TCF7L2: variants seen among roughly 807,000 people sequenced by gnomAD.
The protein encoded by TCF7L2 is transcription factor 7-like 2.
In TCF7L2, 23 loss-of-function variants were observed where a neutral mutation model predicts 77.9. That is an observed-to-expected ratio of 0.30 (90% CI 0.21 to 0.42). The LOEUF (loss-of-function observed/expected upper bound fraction) is 0.42, where lower values mean the gene tolerates loss of function less well. Among genes scored for constraint, TCF7L2 ranks in the 10% least tolerant of loss-of-function variants. The pLI, the probability that TCF7L2 is intolerant of heterozygous loss-of-function variation, is 1.00. For synonymous variants in TCF7L2, 413 were observed against 340.2 expected (o/e 1.21, Z -2.36); for missense variants, 654 against 793.1 (o/e 0.82, Z 2.11).
intron 5 of TCF7L2, among the ~76,000 whole-genome samples, chr10:113,124,556 G>T (rs142183858): frequency 6.6e-6 from 1 of 152,002 alleles, no homozygotes; most frequent in Non-Finnish European, 1.5e-5. Context: ...AGAAATCGCC[G>T]TATATATCTA....
At chr10:112,971,084 A>G (rs2038142095) in intron 4 of TCF7L2, among the ~76,000 whole-genome samples, 1 of 152,348 alleles carries the variant, frequency 6.6e-6, no homozygotes, top group South Asian at 2.1e-4. Context: ...ATGTTCATTC[A>G]TGAAAAATAT....
At chr10:113,074,852 T>TCATCG (rs1304085901) in intron 5 of TCF7L2, among the ~76,000 whole-genome samples, 2 of 152,116 alleles carry the variant, frequency 1.3e-5, no homozygotes, top group Non-Finnish European at 2.9e-5. Context: ...GGTACTTCTG[T>TCATCG]CATCATCTCA....
At chr10:113,100,943 C>T (rs368757682) in intron 5 of TCF7L2, among the ~76,000 whole-genome samples, 2 of 151,996 alleles carry the variant, frequency 1.3e-5, no homozygotes, top group South Asian at 2.1e-4. Context: ...GGCGTGGTGG[C>T]GTTTGCCTGT....
chr10:113,095,801 G>A (rs1479185140), intron 5 of TCF7L2, among the ~76,000 whole-genome samples: 1 of 152,220 alleles, frequency 6.6e-6, no homozygotes, highest in Admixed American at 6.5e-5. Flanking sequence ...AGATAGGAGT[G>A]TTCCTGCACC....
At chr10:113,117,476 T>C (rs564624504) in intron 5 of TCF7L2, among the ~76,000 whole-genome samples, 3 of 139,554 alleles carry the variant, frequency 2.1e-5, no homozygotes, top group Non-Finnish European at 4.5e-5. Context: ...CCAACAAATA[T>C]AGCTAACGTA....
chr10:112,994,939 A>G (rs1266115240), intron 4 of TCF7L2, among the ~76,000 whole-genome samples: 1 of 152,096 alleles, frequency 6.6e-6, no homozygotes, highest in Non-Finnish European at 1.5e-5. Context: ...ATCTCTACTA[A>G]AAATACAAAA....
intron 4 of TCF7L2, among the ~76,000 whole-genome samples, chr10:112,992,900 A>C (rs1200654606): frequency 1.3e-5 from 2 of 151,742 alleles, no homozygotes; most frequent in Non-Finnish European, 2.9e-5. Context: ...AGTAGCTGGG[A>C]TTACAGGTGC....
At chr10:113,140,602 C>T (rs540973608) in intron 5 of TCF7L2, among the ~76,000 whole-genome samples, 13 of 152,268 alleles carry the variant, frequency 8.5e-5, no homozygotes, top group African/African-American at 2.9e-4. Flanking sequence ...ACACTCCCAC[C>T]CAAACCGTGA....
At chr10:112,970,527 G>A (rs1432986672) in intron 4 of TCF7L2, among the ~76,000 whole-genome samples, 3 of 151,830 alleles carry the variant, frequency 2.0e-5, no homozygotes, top group Non-Finnish European at 2.9e-5. Flanking sequence ...AGTCTTGTCC[G>A]TGTCTTAACA....
intron 5 of TCF7L2, among the ~76,000 whole-genome samples, chr10:113,134,013 T>C (rs540311335): frequency 6.6e-6 from 1 of 152,306 alleles, no homozygotes; most frequent in East Asian, 1.9e-4. Flanking sequence ...CTTACCACCT[T>C]GTTTCTCCAA....
At chr10:113,081,540 A>G (rs764431427) in intron 5 of TCF7L2, among the ~76,000 whole-genome samples, 1 of 152,208 alleles carries the variant, frequency 6.6e-6, no homozygotes, top group African/African-American at 2.4e-5. Context: ...TGTTCTCTCA[A>G]AGTCATTGAT....
intron 2 of TCF7L2, 87 bp from the exon 3 acceptor site, chr10:112,951,396 C>T (rs941436788): frequency 1.6e-6 from 2 of 1,214,646 alleles, no homozygotes; most frequent in Admixed American, 3.1e-5. Context: ...GGCGCCCGGC[C>T]CCTCGGGGCA....
chr10:113,020,159 T>G (rs1045679202), intron 4 of TCF7L2, among the ~76,000 whole-genome samples: 16 of 152,182 alleles, frequency 1.1e-4, no homozygotes, highest in Non-Finnish European at 2.2e-4. Context: ...GATAATGAGG[T>G]CAGTGAGGGC....
chr10:112,995,124 T>A (rs2043229037), intron 4 of TCF7L2, among the ~76,000 whole-genome samples: 1 of 152,056 alleles, frequency 6.6e-6, no homozygotes, highest in African/African-American at 2.4e-5. Flanking sequence ...AAGAAAAGGC[T>A]GTCATGTTAG....
At chr10:112,995,999 C>T (rs2043402980) in intron 4 of TCF7L2, among the ~76,000 whole-genome samples, 1 of 152,204 alleles carries the variant, frequency 6.6e-6, no homozygotes, top group Non-Finnish European at 1.5e-5. Context: ...AAATTTCCCA[C>T]TTAAACATTT....
At chr10:113,007,760 C>T (rs2045813954) in intron 4 of TCF7L2, among the ~76,000 whole-genome samples, 1 of 152,158 alleles carries the variant, frequency 6.6e-6, no homozygotes, top group Non-Finnish European at 1.5e-5. Context: ...TGTAGGAGGG[C>T]ATGATGAGGG....
Position 113,126,980 on chromosome 10 carries a change from C to T in TCF7L2, c.553-14204C>T, listed in dbSNP as rs1032896785. The T allele has an allele frequency of 7.4e-6, 7 of 940,214 alleles. No homozygotes were observed. In the African/African-American group the frequency reaches 1.1e-4, roughly 14 times the overall value. The allele number at this position is 940,214 out of a possible 1,614,324, so 58.2% of individuals were successfully genotyped here. A position where few individuals can be genotyped will look rare whatever the true frequency, so the allele number is the denominator to read the frequency against. On this transcript the variant is annotated intron_variant, in intron 5 of 13. Transcript: ENST00000627217. The stretch of plus-strand genomic sequence containing the variant: ...CTGCTGCGTCCACGGCTGTCCAGTC[C>T]GCATGCATGCTCTCAGCCTTTGCCA...
rs376951921 is a variant in TCF7L2 at position 112,976,330 on chromosome 10, T to G, written c.450+11706T>G. Among the ~76,000 whole-genome samples, 4 of 152,360 alleles carry G rather than the reference T, an allele frequency of 2.6e-5. No homozygotes were observed. In the South Asian group the frequency reaches 8.3e-4, roughly 32 times the overall value. On this transcript the variant is annotated intron_variant, in intron 4 of 13. Transcript: ENST00000627217. ...TTCCTGTCAAGAGCATCACACATGA[T>G]AAATTTGATAACTTGGACTATCTTT...
intron 13 of TCF7L2, chr10:113,161,573 A>C: frequency 2.0e-6 from 3 of 1,536,128 alleles, no homozygotes; most frequent in Non-Finnish European, 1.7e-6. Context: ...GTTCTGATAC[A>C]AGCAGTCTTT....
Sources: gnomAD v4.1 joint callset for allele counts (sites outside exome capture counted in the v4.1 genomes callset) on GRCh38, gnomAD v4.1.1 for gene constraint, MANE v1.5 for transcripts, NCBI Gene and HGNC (gene_info 2026-07-23, HGNC 2026-07-21) for gene names.